ITPR1: variants seen among roughly 807,000 people sequenced by gnomAD.
ITPR1 encodes the protein inositol 1,4,5-trisphosphate receptor type 1, also known as inositol 1,4,5-trisphosphate-gated calcium channel ITPR1.
A neutral mutation model predicts 318.4 loss-of-function variants in ITPR1; 96 were observed. The observed-to-expected ratio is 0.30, with a 90% CI of 0.26 to 0.36. ITPR1 has a LOEUF of 0.36. Among genes scored for constraint, ITPR1 ranks in the 10% least tolerant of loss-of-function variants. The probability of loss-of-function intolerance (pLI) is 1.00; values close to 1 mark genes in which losing one functional copy is unlikely to be tolerated. For synonymous variants in ITPR1, 1,312 were observed against 1,289.9 expected (o/e 1.02, Z -0.37); for missense variants, 2,440 against 3,460.2 (o/e 0.71, Z 7.40).
chr3:4,543,364 G>T (rs1255296963), intron 4 of ITPR1, among the ~76,000 whole-genome samples: 3 of 152,174 alleles, frequency 2.0e-5, no homozygotes, highest in African/African-American at 7.2e-5. Flanking sequence ...TGCTTAGGCT[G>T]GGGACTTGGA....
intron 32 of ITPR1, 43 bp downstream of exon 32, chr3:4,691,387 T>C (rs2094476224): frequency 4.4e-6 from 6 of 1,367,440 alleles, no homozygotes; most frequent in Non-Finnish European, 6.2e-6. Context: ...TGGTGTTCTG[T>C]AGAAATTTTA....
chr3:4,594,573 A>G (rs904059469), intron 4 of ITPR1, among the ~76,000 whole-genome samples: 2 of 152,050 alleles, frequency 1.3e-5, no homozygotes, highest in African/African-American at 2.4e-5. Flanking sequence ...TTGTCTCTTT[A>G]TCGTAAGATG....
At chr3:4,564,621 C>T (rs533502754) in intron 4 of ITPR1, among the ~76,000 whole-genome samples, 9 of 152,258 alleles carry the variant, frequency 5.9e-5, no homozygotes, top group African/African-American at 1.7e-4. Flanking sequence ...CCCCTTGTTC[C>T]TCCCACCATG....
At chr3:4,692,366 A>G (rs1357234588) in intron 32 of ITPR1, among the ~76,000 whole-genome samples, 2 of 152,230 alleles carry the variant, frequency 1.3e-5, no homozygotes, top group African/African-American at 2.4e-5. Flanking sequence ...GAAGCCGGTC[A>G]TACTCTAGGC....
intron 4 of ITPR1, among the ~76,000 whole-genome samples, chr3:4,582,656 G>A (rs2089476619): frequency 6.6e-6 from 1 of 152,202 alleles, no homozygotes; most frequent in African/African-American, 2.4e-5. Flanking sequence ...CAATTGACTG[G>A]ACAACGTATT....
intron 44 of ITPR1, among the ~76,000 whole-genome samples, chr3:4,737,018 T>C (rs2043322892): frequency 6.6e-6 from 1 of 152,162 alleles, no homozygotes; most frequent in Non-Finnish European, 1.5e-5. Context: ...GACCTGGCCA[T>C]TTTTTTCTGA....
intron 39 of ITPR1, among the ~76,000 whole-genome samples, chr3:4,712,280 A>T (rs569042843): frequency 6.6e-6 from 1 of 152,226 alleles, no homozygotes; most frequent in Non-Finnish European, 1.5e-5. Context: ...CTTTCAGTGC[A>T]TCAAGAAACG....
At chr3:4,664,402 G>A (rs1485167107) in intron 16 of ITPR1, among the ~76,000 whole-genome samples, 6 of 152,166 alleles carry the variant, frequency 3.9e-5, no homozygotes, top group Non-Finnish European at 5.9e-5. Flanking sequence ...ACTTGCCACC[G>A]GAATTCCTGG....
chr3:4,570,189 T>A (rs919874829), intron 4 of ITPR1, among the ~76,000 whole-genome samples: 1 of 152,216 alleles, frequency 6.6e-6, no homozygotes, highest in African/African-American at 2.4e-5. Context: ...CTTTCAAACT[T>A]CTTAAGTTCC....
intron 44 of ITPR1, among the ~76,000 whole-genome samples, chr3:4,753,214 A>G (rs1318683593): frequency 6.6e-6 from 1 of 151,974 alleles, no homozygotes; most frequent in African/African-American, 2.4e-5. Context: ...TGCGGAAAGT[A>G]TCTGCTCCAC....
At chr3:4,770,671 C>T (rs1023243391) in intron 46 of ITPR1, among the ~76,000 whole-genome samples, 2 of 152,140 alleles carry the variant, frequency 1.3e-5, no homozygotes, top group Non-Finnish European at 2.9e-5. Flanking sequence ...TCTCAGCCAT[C>T]GGTTTCCTTA....
intron 54 of ITPR1, among the ~76,000 whole-genome samples, chr3:4,802,857 AAGAAAGAG>A (rs1386624143): frequency 6.6e-6 from 1 of 151,432 alleles, no homozygotes; most frequent in African/African-American, 2.4e-5. Context: ...AAGAGAAAGA[AAGAAAGAG>A]AGAAAGAGAG....
chr3:4,616,274 A>G (rs1244654351), intron 4 of ITPR1, among the ~76,000 whole-genome samples: 1 of 152,236 alleles, frequency 6.6e-6, no homozygotes, highest in Non-Finnish European at 1.5e-5. Flanking sequence ...AGAATGATTA[A>G]TAGAGCAAAT....
intron 4 of ITPR1, among the ~76,000 whole-genome samples, chr3:4,563,942 C>G (rs907411135): frequency 6.7e-6 from 1 of 149,548 alleles, no homozygotes; most frequent in Admixed American, 6.6e-5. Context: ...GATTTGTTTT[C>G]TTTTCTTTTT....
intron 4 of ITPR1, among the ~76,000 whole-genome samples, chr3:4,566,966 C>T (rs1271963846): frequency 1.3e-5 from 2 of 152,196 alleles, no homozygotes; most frequent in African/African-American, 2.4e-5. Context: ...AGAGGTAATG[C>T]AATGTAGGTT....
intron 18 of ITPR1, among the ~76,000 whole-genome samples, chr3:4,668,560 C>G (rs529175264): frequency 3.9e-5 from 6 of 152,078 alleles, no homozygotes; most frequent in African/African-American, 1.5e-4. Context: ...CTCCGCCTCC[C>G]GGGTTCAAGC....
intron 46 of ITPR1, among the ~76,000 whole-genome samples, chr3:4,769,606 A>G (rs945156008): frequency 3.9e-5 from 6 of 152,196 alleles, no homozygotes; most frequent in African/African-American, 1.4e-4. Context: ...GTCTGATAAC[A>G]ATGGGCAAGG....
chr3:4,586,145 A>G (rs1575614559), intron 4 of ITPR1, among the ~76,000 whole-genome samples: 1 of 152,086 alleles, frequency 6.6e-6, no homozygotes, highest in Non-Finnish European at 1.5e-5. Context: ...TATGTGCCAC[A>G]TTTTCTTAAT....
At chr3:4,610,966 C>G (rs1350449905) in intron 4 of ITPR1, among the ~76,000 whole-genome samples, 1 of 103,030 alleles carries the variant, frequency 9.7e-6, no homozygotes, top group African/African-American at 4.0e-5. Context: ...TTCCCCTTCC[C>G]CCTTCCCCCT....
Sources: gnomAD v4.1 joint callset for allele counts (sites outside exome capture counted in the v4.1 genomes callset) on GRCh38, gnomAD v4.1.1 for gene constraint, MANE v1.5 for transcripts, NCBI Gene and HGNC (gene_info 2026-07-23, HGNC 2026-07-21) for gene names.